TOX3: variants seen among roughly 807,000 people sequenced by gnomAD.
TOX3 encodes TOX high mobility group box family member 3.
In TOX3, 22 loss-of-function variants were observed where a neutral mutation model predicts 64.3. The observed-to-expected ratio is 0.34, with a 90% CI of 0.24 to 0.49. TOX3 has a LOEUF of 0.49. TOX3 is among the 20% of genes least tolerant of loss of function. The probability of loss-of-function intolerance (pLI) is 0.99; values close to 1 mark genes in which losing one functional copy is unlikely to be tolerated. For missense variants in TOX3, 661 were observed against 714.4 expected, an observed-to-expected ratio of 0.93 and a Z score of 0.85; for synonymous variants, 291 against 273.6, an observed-to-expected ratio of 1.06 and a Z score of -0.63.
intron 1 of TOX3, among the ~76,000 whole-genome samples, chr16:52,515,297 GT>G (rs1358409931): frequency 6.6e-6 from 1 of 151,994 alleles, no homozygotes; most frequent in African/African-American, 2.4e-5. Context: ...AGATAGTATG[GT>G]TTCCTAACCC....
At chr16:52,493,564 A>C (rs1249939002) in intron 1 of TOX3, among the ~76,000 whole-genome samples, 2 of 152,208 alleles carry the variant, frequency 1.3e-5, no homozygotes, top group Admixed American at 6.5e-5. Context: ...ATTGCTTATA[A>C]ATATTGGACA....
At chr16:52,454,216 G>A (rs771868825) in intron 3 of TOX3, among the ~76,000 whole-genome samples, 1 of 151,564 alleles carries the variant, frequency 6.6e-6, no homozygotes. Flanking sequence ...TTTATAAATT[G>A]AGGTTCCTCA....
At chr16:52,469,420 T>C (rs995882462) in intron 1 of TOX3, among the ~76,000 whole-genome samples, 1 of 152,218 alleles carries the variant, frequency 6.6e-6, no homozygotes, top group Admixed American at 6.5e-5. Flanking sequence ...AAACATTCCA[T>C]TATCAGTCTG....
intron 1 of TOX3, among the ~76,000 whole-genome samples, chr16:52,515,914 T>A (rs1053081545): frequency 3.9e-5 from 6 of 152,176 alleles, no homozygotes; most frequent in Admixed American, 3.9e-4. Flanking sequence ...AACTTGAAAA[T>A]ATAAACAGCA....
intron 1 of TOX3, among the ~76,000 whole-genome samples, chr16:52,469,715 G>T (rs532657760): frequency 1.3e-5 from 2 of 152,128 alleles, no homozygotes; most frequent in Admixed American, 1.3e-4. Context: ...TAAATATTGA[G>T]AATAAATAGA....
chr16:52,519,594 A>G lies in TOX3; in HGVS notation c.87+27043T>C, dbSNP rs1377409243. On this transcript the variant is annotated intron_variant, in intron 1 of 6. Transcript: ENST00000219746. ...ATGCATCCTAGCTGAGCAGACGAAAAAAAAAACAACATGGTTGGGCAATCA... is the reference window on the plus strand; with the variant it reads ...ATGCATCCTAGCTGAGCAGACGAAAGAAAAAACAACATGGTTGGGCAATCA... 2.8e-6 allele frequency: 4 copies of G among 1,423,390 alleles called. No homozygotes were observed. The African/African-American group carries it at 4.3e-5, about 15-fold the overall frequency. 88.2% of individuals were successfully genotyped at this position (1,423,390 alleles called of 1,614,324 possible). A position where few individuals can be genotyped will look rare whatever the true frequency, so the allele number is the denominator to read the frequency against.
chr16:52,489,755 T>C (rs1567331957), intron 1 of TOX3, among the ~76,000 whole-genome samples: 1 of 152,138 alleles, frequency 6.6e-6, no homozygotes, highest in Non-Finnish European at 1.5e-5. Context: ...ACAGAGCTTA[T>C]CTTTACCAAT....
At chr16:52,443,981 A>G (rs1960082644) in intron 6 of TOX3, among the ~76,000 whole-genome samples, 1 of 152,196 alleles carries the variant, frequency 6.6e-6, no homozygotes, top group Non-Finnish European at 1.5e-5. Context: ...ACAGGTCCCA[A>G]TCCCTGACCA....
chr16:52,441,010 C>A (rs937624423), intron 6 of TOX3, among the ~76,000 whole-genome samples: 37 of 152,138 alleles, frequency 2.4e-4, no homozygotes, highest in African/African-American at 8.2e-4. Flanking sequence ...GATCTGCCCA[C>A]CTCGGCCTCC....
rs1960960084 is a variant in TOX3, at chr16:52,469,157, G to A, written c.88-583C>T. 2.0e-5 allele frequency among the ~76,000 whole-genome samples: 3 copies of A among 152,186 alleles called. No individual in the cohort carries two copies. In the South Asian group the frequency reaches 6.2e-4, roughly 31 times the overall value. On this transcript the variant is annotated intron_variant, in intron 1 of 6. Transcript: ENST00000219746. The stretch of plus-strand genomic sequence containing the variant: ...ATATCCATCAGAGTTGCTGAAAACA[G>A]TGATATTTAATCTCTCAATGTAACA...
In TOX3 at chr16:52,480,129, G is replaced by C. The variant is rs553308590; in HGVS notation, c.88-11555C>G. On this transcript the variant is annotated intron_variant, in intron 1 of 6. Coordinates refer to ENST00000219746, the MANE Select transcript of TOX3 (RefSeq NM_001080430.4). Reference sequence around the variant, plus strand: ...CAACACCAGGGCCAGGCACACGATAGGTTCTCAATTGATAATGCAATGGCC... The same window carrying C: ...CAACACCAGGGCCAGGCACACGATACGTTCTCAATTGATAATGCAATGGCC... Among the ~76,000 whole-genome samples the C allele has an allele frequency of 3.2e-4, 48 of 152,306 alleles. 1 individual carries two copies. Among genetic ancestry groups the C allele is most frequent in the African/African-American group, 1.1e-3 (47 of 41,566 alleles).
intron 1 of TOX3, among the ~76,000 whole-genome samples, chr16:52,534,794 A>G (rs1208486567): frequency 6.6e-6 from 1 of 152,190 alleles, no homozygotes; most frequent in Non-Finnish European, 1.5e-5. Flanking sequence ...TTAAAATGTC[A>G]ACTAAATATT....
chr16:52,512,870 A>G (rs564199897), intron 1 of TOX3, among the ~76,000 whole-genome samples: 7 of 152,358 alleles, frequency 4.6e-5, no homozygotes, highest in South Asian at 4.1e-4. Flanking sequence ...AATGCCAAGA[A>G]GTGTTAAGAT....
At chr16:52,541,836 A>G (rs1195418823) in intron 1 of TOX3, among the ~76,000 whole-genome samples, 1 of 152,206 alleles carries the variant, frequency 6.6e-6, no homozygotes, top group Non-Finnish European at 1.5e-5. Context: ...TCTAGTTAGG[A>G]GCAGCAGGAC....
chr16:52,464,923 T>C (rs1046071454), intron 2 of TOX3, among the ~76,000 whole-genome samples: 6 of 150,314 alleles, frequency 4.0e-5, no homozygotes, highest in South Asian at 2.1e-4. Context: ...TATATTGATA[T>C]AGAAATACTA....
chr16:52,529,890 A>C (rs1335628177), intron 1 of TOX3, among the ~76,000 whole-genome samples: 1 of 152,226 alleles, frequency 6.6e-6, no homozygotes, highest in Non-Finnish European at 1.5e-5. Flanking sequence ...CTCTCAATAC[A>C]AAGTGAAGCC....
chr16:52,541,236 C>G (rs1025129491), intron 1 of TOX3, among the ~76,000 whole-genome samples: 31 of 152,116 alleles, frequency 2.0e-4, no homozygotes, highest in Admixed American at 4.6e-4. Context: ...TTATTTTTTA[C>G]CATCTCAGCT....
In TOX3 at chr16:52,521,557, T is replaced by C. The variant is rs552172500; in HGVS notation, c.87+25080A>G. Among the ~76,000 whole-genome samples, 5 of 152,358 alleles carry C rather than the reference T, an allele frequency of 3.3e-5. No homozygotes were observed. The East Asian group carries it at 9.6e-4, about 29-fold the overall frequency. On this transcript the variant is annotated intron_variant, in intron 1 of 6. Coordinates refer to ENST00000219746, the MANE Select transcript of TOX3 (RefSeq NM_001080430.4). ...CTTAAATATGTTTTGCCTTTGTGCATGGCCATCTGTGCCGATGACACTGTT... is the reference window on the plus strand; with the variant it reads ...CTTAAATATGTTTTGCCTTTGTGCACGGCCATCTGTGCCGATGACACTGTT...
intron 6 of TOX3, among the ~76,000 whole-genome samples, chr16:52,442,460 G>A (rs1671150845): frequency 1.3e-5 from 2 of 152,052 alleles, no homozygotes; most frequent in African/African-American, 4.8e-5. Context: ...ATGCCTCCAA[G>A]TCCTTGCCTC....
Sources: gnomAD v4.1 joint callset for allele counts (sites outside exome capture counted in the v4.1 genomes callset) on GRCh38, gnomAD v4.1.1 for gene constraint, MANE v1.5 for transcripts, NCBI Gene and HGNC (gene_info 2026-07-23, HGNC 2026-07-21) for gene names.